The following HMCN2 variants were observed in gnomAD, a reference collection of about 807,000 sequenced individuals.
HMCN2 encodes the protein hemicentin-2.
HMCN2 carries 325 observed loss-of-function variants against 377.5 expected under a neutral mutation model. The observed-to-expected ratio is 0.86, with a 90% CI of 0.79 to 0.94. The LOEUF (loss-of-function observed/expected upper bound fraction) is 0.94. HMCN2 is among the 40% of genes least tolerant of loss of function. HMCN2 has a pLI of 0.00. For missense variants in HMCN2, 4,543 were observed against 4,725.3 expected (o/e 0.96, Z 1.13); for synonymous variants, 2,007 against 2,046.8 (o/e 0.98, Z 0.53).
At chr9:130,421,333 T>C (rs1464263417) in intron 86 of HMCN2, among the ~76,000 whole-genome samples, 1 of 152,220 alleles carries the variant, frequency 6.6e-6, no homozygotes, top group East Asian at 1.9e-4. Context: ...TGTGTGGCCC[T>C]GAAGATTTCT....
At chr9:130,291,649 A>G (rs6415851) in intron 4 of HMCN2, among the ~76,000 whole-genome samples, 93,542 of 152,172 alleles carry the variant, frequency 0.61, 29,696 homozygotes, top group East Asian at 0.86. Context: ...TGCTTTATCT[A>G]TCTCTTTATA....
intron 8 of HMCN2, among the ~76,000 whole-genome samples, 159 bp from the exon 9 acceptor site, chr9:130,302,698 T>C (rs1455587847): frequency 1.3e-5 from 2 of 152,148 alleles, no homozygotes; most frequent in African/African-American, 4.8e-5. Flanking sequence ...GATCACCCCA[T>C]TTTGCAGAGG....
At chr9:130,431,174 T>TGG (rs1844726028) in intron 95 of HMCN2, 193 bp from the exon 96 acceptor site, 1 of 615,506 alleles carries the variant, frequency 1.6e-6, no homozygotes, top group South Asian at 2.0e-5. Flanking sequence ...GTAGGTAAGG[T>TGG]GGGGCTCCTC....
chr9:130,291,890 C>CAA (rs1410010612), intron 4 of HMCN2, among the ~76,000 whole-genome samples: 7 of 152,120 alleles, frequency 4.6e-5, no homozygotes, highest in Admixed American at 1.3e-4. Context: ...GTTGTTATGT[C>CAA]TATTAAGTCC....
At position 130,425,125 on chromosome 9, in the gene HMCN2, G is replaced by A; in HGVS notation, c.13636G>A (p.Val4546Met). The A allele has an allele frequency of 6.5e-7, 1 of 1,548,132 alleles. No individual in the cohort carries two copies. Among genetic ancestry groups the A allele is most frequent in the Non-Finnish European group, 8.7e-7 (1 of 1,145,890 alleles). ...PESLADADLQVQDFEEHYVQT... is the reference protein window; with the variant it reads ...PESLADADLQMQDFEEHYVQT... ...GAGCCTGGCTGACGCAGATCTTCAA[G>A]TGCAGGTCGGGGGTCAAGCCCTGGG... The change falls in exon 89 of 98, where the codon GTG becomes ATG. Residue 4546 changes from valine (V) to methionine (M), a missense_variant. Coordinates refer to ENST00000683500, the MANE Select transcript of HMCN2 (RefSeq NM_001291815.2).
At chr9:130,391,689 C>T in intron 65 of HMCN2, 115 bp downstream of exon 65, 2 of 904,374 alleles carry the variant, frequency 2.2e-6, no homozygotes, top group Non-Finnish European at 2.6e-6. Context: ...CTTCCCTGGG[C>T]CTCCATGGCC....
At chr9:130,293,005 C>T (rs201252558) in intron 4 of HMCN2, among the ~76,000 whole-genome samples, 1 of 146,622 alleles carries the variant, frequency 6.8e-6, no homozygotes, top group African/African-American at 2.5e-5. Context: ...TATCTACCTA[C>T]CTACCTGCCT....
chr9:130,391,713 G>A lies in HMCN2; in HGVS notation c.9952+139G>A, dbSNP rs79036819. The A allele has an allele frequency of 1.0e-3, 829 of 814,950 alleles. 18 individuals carry two copies. The East Asian group carries it at 0.073, about 72-fold the overall frequency. 50.5% of individuals were successfully genotyped at this position (814,950 alleles called of 1,614,324 possible). ...GCCTCCATGGCCCATCCTCAAACTAGAGGACAATAGTGCCAGCCCAGGGTA... is the reference window on the plus strand; with the variant it reads ...GCCTCCATGGCCCATCCTCAAACTAAAGGACAATAGTGCCAGCCCAGGGTA... On this transcript the variant is annotated intron_variant, in intron 65 of 97. Transcript: ENST00000683500.
At chr9:130,313,887 C>T (rs923603561) in intron 15 of HMCN2, among the ~76,000 whole-genome samples, 1,874 of 150,276 alleles carry the variant, frequency 0.012, 39 homozygotes, top group African/African-American at 0.044. Flanking sequence ...GCAAGTGATC[C>T]TCTTGCCTCA....
chr9:130,405,560 G>A (rs1426625206), intron 81 of HMCN2, among the ~76,000 whole-genome samples: 3 of 152,168 alleles, frequency 2.0e-5, no homozygotes, highest in African/African-American at 7.2e-5. Flanking sequence ...GGAGCCTGGG[G>A]GTGCAGTGGT....
chr9:130,376,069 C>A (rs1841360772), intron 51 of HMCN2, 80 bp downstream of exon 51: 3 of 464,192 alleles, frequency 6.5e-6, no homozygotes, highest in Non-Finnish European at 8.5e-6. Context: ...CTGAGCCACC[C>A]TTGGTGCTCC....
Position 130,396,033 on chromosome 9 carries a change from G to A in HMCN2, c.11021G>A (p.Ser3674Asn). The A allele has an allele frequency of 1.0e-5, 13 of 1,286,872 alleles. No individual in the cohort carries two copies. The highest frequency in any genetic ancestry group is 1.3e-5 in the Non-Finnish European group (13 of 988,334). 79.7% of individuals were successfully genotyped at this position (1,286,872 alleles called of 1,614,324 possible). A position where few individuals can be genotyped will look rare whatever the true frequency, so the allele number is the denominator to read the frequency against. ...YSCTARNAAG[S>N]TSVAFRVEIH... ...TGCACAGCCCGCAACGCCGCAGGCA[G>A]CACTAGTGTCGCCTTCCGCGTGGAG... Residue 3674 changes from serine to asparagine, a missense_variant, in exon 72 of 98, where the codon AGC becomes AAC. Ser to Asn is a conservative substitution (Grantham distance 46, BLOSUM62 1). Coordinates refer to ENST00000683500, the MANE Select transcript of HMCN2 (RefSeq NM_001291815.2).
rs569691905 is a variant in HMCN2 at position 130,422,451 on chromosome 9, G to A, written c.13232-126G>A. ...ATGACCCCTTAGCTGTGTGTCCTTG[G>A]ACAAGTGGAGGTGAACTCTCCGAGC... is the stretch of plus-strand genomic sequence containing the variant. On this transcript the variant is annotated intron_variant, in intron 86 of 97. Coordinates refer to ENST00000683500, the MANE Select transcript of HMCN2 (RefSeq NM_001291815.2). This position sits in a 1 kb window ranked among gnomAD's most constrained non-coding sequence, Gnocchi z 4.2. The A allele has an allele frequency of 1.5e-6, 1 of 652,678 alleles. No individual in the cohort carries two copies. The highest frequency in any genetic ancestry group is 4.3e-5 in the Admixed American group (1 of 23,006). The allele number at this position is 652,678 out of a possible 1,614,324, so 40.4% of individuals were successfully genotyped here. A position where few individuals can be genotyped will look rare whatever the true frequency, so the allele number is the denominator to read the frequency against.
chr9:130,393,630 CT>C lies in HMCN2; in HGVS notation c.10235-111del. On this transcript the variant is annotated intron_variant, in intron 67 of 97. Coordinates refer to ENST00000683500, the MANE Select transcript of HMCN2 (RefSeq NM_001291815.2). This position sits in a 1 kb window ranked among gnomAD's most constrained non-coding sequence, Gnocchi z 5.2. ...GGGAGCACAGAGGAGGGCACCTCAC[CT>C]GGCCTTGGGGGACCAGGGCGGCTTC... The C allele has an allele frequency of 9.8e-7, 1 of 1,019,490 alleles. No individual in the cohort carries two copies. Among genetic ancestry groups the C allele is most frequent in the Non-Finnish European group, 1.3e-6 (1 of 795,586 alleles). The allele number at this position is 1,019,490 out of a possible 1,614,324, so 63.2% of individuals were successfully genotyped here.
intron 4 of HMCN2, among the ~76,000 whole-genome samples, chr9:130,293,278 A>ATTT (rs1554930691): frequency 1.0e-4 from 3 of 30,016 alleles, no homozygotes; most frequent in Admixed American, 9.1e-4. Flanking sequence ...TACTCACTAA[A>ATTT]GTTTTTTTTT....
intron 22 of HMCN2, among the ~76,000 whole-genome samples, chr9:130,334,451 T>C (rs1198421561): frequency 6.6e-6 from 1 of 151,884 alleles, no homozygotes; most frequent in Non-Finnish European, 1.5e-5. Flanking sequence ...CTTGGTGATG[T>C]AGCAAGCAGA....
intron 31 of HMCN2, among the ~76,000 whole-genome samples, chr9:130,354,400 A>G (rs1360105154): frequency 6.6e-6 from 1 of 152,214 alleles, no homozygotes; most frequent in Non-Finnish European, 1.5e-5. Context: ...TTCCAGGAGC[A>G]GAGCTCTGTC....
intron 1 of HMCN2, among the ~76,000 whole-genome samples, chr9:130,278,678 G>A (rs1266270991): frequency 6.6e-6 from 1 of 151,742 alleles, no homozygotes; most frequent in Non-Finnish European, 1.5e-5. Flanking sequence ...TGCCTCCTGG[G>A]TTCAAGCGAT....
intron 19 of HMCN2, among the ~76,000 whole-genome samples, chr9:130,322,327 TATCTATCTATCTATCC>T (rs1273018303): frequency 9.2e-6 from 1 of 108,554 alleles, no homozygotes; most frequent in Non-Finnish European, 2.0e-5. Flanking sequence ...CTAATCTATC[TATCTATCTATCTATCC>T]ATCTATCTAT....
Sources: allele counts gnomAD v4.1 joint callset (sites outside exome capture counted in the v4.1 genomes callset), GRCh38; gene constraint gnomAD v4.1.1; non-coding constraint Gnocchi (gnomAD v3.1); transcripts MANE v1.5; gene names NCBI Gene and HGNC (gene_info 2026-07-23, HGNC 2026-07-21).